RIMS1: variants seen among roughly 807,000 people sequenced by gnomAD.
The protein encoded by RIMS1 is regulating synaptic membrane exocytosis protein 1.
A neutral mutation model predicts 214.1 loss-of-function variants in RIMS1; 83 were observed. The observed-to-expected ratio is 0.39, with a 90% CI of 0.32 to 0.47. The LOEUF is 0.47. Ranked by LOEUF, RIMS1 falls within the 20% of genes least tolerant of loss-of-function variation. The pLI is 0.99. For missense variants in RIMS1, 2,050 were observed against 2,161.8 expected (o/e 0.95, Z 1.03); for synonymous variants, 793 against 786.8 (o/e 1.01, Z -0.13).
intron 9 of RIMS1, among the ~76,000 whole-genome samples, chr6:72,240,914 G>C (rs181896329): frequency 2.5e-4 from 38 of 152,192 alleles, no homozygotes; most frequent in African/African-American, 8.9e-4. Context: ...TACTCAGGAG[G>C]CTGAGGCAGG....
chr6:72,229,687 G>A (rs2061360509), intron 6 of RIMS1, among the ~76,000 whole-genome samples: 1 of 151,694 alleles, frequency 6.6e-6, no homozygotes. Context: ...AAAATATGAA[G>A]AAACATTTCA....
chr6:71,985,274 C>T (rs1395539564), intron 2 of RIMS1, among the ~76,000 whole-genome samples: 1 of 151,904 alleles, frequency 6.6e-6, no homozygotes. Flanking sequence ...GCCTGTAGTC[C>T]CAGCTACTCG....
intron 29 of RIMS1, among the ~76,000 whole-genome samples, chr6:72,350,183 T>G (rs571357449): frequency 6.6e-6 from 1 of 152,228 alleles, no homozygotes; most frequent in South Asian, 2.1e-4. Flanking sequence ...ATCTAATTTT[T>G]GTACACAGAA....
chr6:72,144,261 G>C lies in RIMS1; in HGVS notation c.472-35314G>C, dbSNP rs1587991166. ...ATTACTTCTTGCCAATGCCTCAATG[G>C]TTCTGAATTTCAGAAAAGCAGCTAA... On this transcript the variant is annotated intron_variant, in intron 4 of 33. Coordinates refer to ENST00000521978, the MANE Select transcript of RIMS1 (RefSeq NM_014989.7). 2.0e-5 allele frequency among the ~76,000 whole-genome samples: 3 copies of C among 152,274 alleles called. No homozygotes were observed. In the East Asian group the frequency reaches 5.8e-4, roughly 29 times the overall value.
intron 4 of RIMS1, among the ~76,000 whole-genome samples, chr6:72,120,620 G>C (rs1474085843): frequency 1.3e-5 from 2 of 151,792 alleles, no homozygotes; most frequent in Non-Finnish European, 2.9e-5. Context: ...CACTCTGATG[G>C]TAGTTTCTTT....
chr6:72,060,492 T>C (rs1454913710), intron 2 of RIMS1, among the ~76,000 whole-genome samples: 1 of 152,226 alleles, frequency 6.6e-6, no homozygotes, highest in Non-Finnish European at 1.5e-5. Context: ...CTACCTGTTT[T>C]GTTCTGCCTT....
At chr6:71,985,745 C>G (rs72929599) in intron 2 of RIMS1, among the ~76,000 whole-genome samples, 2 of 152,120 alleles carry the variant, frequency 1.3e-5, no homozygotes, top group Non-Finnish European at 1.5e-5. Context: ...TGCAAACACA[C>G]TCTGTTGAGT....
chr6:72,064,524 A>G (rs999597706), intron 2 of RIMS1, among the ~76,000 whole-genome samples: 2 of 152,220 alleles, frequency 1.3e-5, no homozygotes, highest in African/African-American at 4.8e-5. Context: ...GAAGAAATGC[A>G]TAAAGGGAAG....
At chr6:72,320,239 T>TGCCTGATA (rs2096073349) in intron 28 of RIMS1, among the ~76,000 whole-genome samples, 1 of 152,120 alleles carries the variant, frequency 6.6e-6, no homozygotes, top group Non-Finnish European at 1.5e-5. Flanking sequence ...CTCCAAGAAT[T>TGCCTGATA]GCCTGATAGA....
rs568747067 is a variant in RIMS1, at chr6:72,198,905, C to T, written c.1678+15756C>T. 2.6e-5 allele frequency among the ~76,000 whole-genome samples: 4 copies of T among 152,036 alleles called. No individual in the cohort carries two copies. In the South Asian group the frequency reaches 8.3e-4, roughly 32 times the overall value. Reference sequence around the variant, plus strand: ...TCTCAGAAAACCTGCATTTTATTCTCGTTCTGAGAATGTTATTTAAGGATA... The same window carrying T: ...TCTCAGAAAACCTGCATTTTATTCTTGTTCTGAGAATGTTATTTAAGGATA... On this transcript the variant is annotated intron_variant, in intron 6 of 33. Coordinates refer to ENST00000521978, the MANE Select transcript of RIMS1 (RefSeq NM_014989.7).
At chr6:72,205,763 T>A (rs2052794364) in intron 6 of RIMS1, among the ~76,000 whole-genome samples, 1 of 152,174 alleles carries the variant, frequency 6.6e-6, no homozygotes, top group Non-Finnish European at 1.5e-5. Context: ...TGGACAAGTA[T>A]TTTTTATGAT....
intron 6 of RIMS1, chr6:72,217,119 T>G: frequency 6.5e-7 from 1 of 1,529,804 alleles, no homozygotes; most frequent in Non-Finnish European, 8.7e-7. Context: ...GTGCATTTGC[T>G]GCCATTGCTA....
chr6:72,107,450 A>G (rs1386805421), intron 4 of RIMS1, among the ~76,000 whole-genome samples: 1 of 152,108 alleles, frequency 6.6e-6, no homozygotes. Context: ...ACTACCAGCT[A>G]CTTGGGAGGC....
intron 4 of RIMS1, among the ~76,000 whole-genome samples, chr6:72,131,516 G>C (rs1211785570): frequency 6.6e-6 from 1 of 151,918 alleles, no homozygotes; most frequent in African/African-American, 2.4e-5. Context: ...TTTTTATTAG[G>C]GACTTTCAAA....
intron 29 of RIMS1, among the ~76,000 whole-genome samples, chr6:72,350,736 A>AT (rs1300964737): frequency 6.6e-6 from 1 of 152,156 alleles, no homozygotes; most frequent in Non-Finnish European, 1.5e-5. Context: ...CCCTGGAGTT[A>AT]TTTACAAGCT....
chr6:72,346,350 A>G (rs573812424), intron 29 of RIMS1, among the ~76,000 whole-genome samples: 168 of 151,960 alleles, frequency 1.1e-3, no homozygotes, highest in Non-Finnish European at 2.0e-3. Flanking sequence ...ATACAAGAAT[A>G]GAATCTTAAG....
chr6:72,256,107 A>C (rs139016551), intron 16 of RIMS1, among the ~76,000 whole-genome samples: 1 of 152,052 alleles, frequency 6.6e-6, no homozygotes, highest in Non-Finnish European at 1.5e-5. Flanking sequence ...CGTAAACATA[A>C]TGTGAAGAAA....
intron 1 of RIMS1, among the ~76,000 whole-genome samples, chr6:71,889,246 T>C (rs1768846722): frequency 6.6e-6 from 1 of 152,098 alleles, no homozygotes; most frequent in African/African-American, 2.4e-5. Flanking sequence ...TGAGGGATTT[T>C]AAGTGGGAGT....
rs949249914 is a variant in RIMS1 at position 72,027,645 on chromosome 6, C to G, written c.245+58582C>G. The stretch of plus-strand genomic sequence containing the variant: ...CTCTCTCTTCATTTAAAACAACAGC[C>G]CTAAGAAATTTCCTTGGTCTCAGCC... On this transcript the variant is annotated intron_variant, in intron 2 of 33. Coordinates refer to ENST00000521978, the MANE Select transcript of RIMS1 (RefSeq NM_014989.7). Among the ~76,000 whole-genome samples the G allele has an allele frequency of 9.2e-5, 14 of 152,038 alleles. No homozygotes were observed. In the East Asian group the frequency reaches 2.5e-3, roughly 27 times the overall value.
Sources: allele counts gnomAD v4.1 joint callset (sites outside exome capture counted in the v4.1 genomes callset), GRCh38; gene constraint gnomAD v4.1.1; transcripts MANE v1.5; gene names NCBI Gene and HGNC (gene_info 2026-07-23, HGNC 2026-07-21).